Variants in AP5Z1 observed in about 807,000 individuals in gnomAD.
The protein encoded by AP5Z1 is adaptor related protein complex 5 subunit zeta 1.
In AP5Z1, 106 loss-of-function variants were observed where a neutral mutation model predicts 83.0. The observed-to-expected ratio is 1.28, with a 90% CI of 1.09 to 1.50. AP5Z1 has a LOEUF of 1.50. Ranked by LOEUF, AP5Z1 falls within the 40% of genes most tolerant of loss-of-function variation. The pLI is 0.00. For missense variants in AP5Z1, 1,565 were observed against 1,094.2 expected (o/e 1.43, Z -6.07); for synonymous variants, 751 against 514.1 (o/e 1.46, Z -6.23).
intron 1 of AP5Z1, among the ~76,000 whole-genome samples, chr7:4,777,596 C>G (rs1170036304): frequency 6.6e-6 from 1 of 152,074 alleles, no homozygotes; most frequent in Non-Finnish European, 1.5e-5. Context: ...ACCACATTGT[C>G]CAGGCTGGTC....
At chr7:4,788,092 C>G (rs141779655) in intron 11 of AP5Z1, 62 bp from the exon 12 acceptor site, 4 of 1,459,040 alleles carry the variant, frequency 2.7e-6, no homozygotes, top group Admixed American at 2.6e-5. Context: ...GTCTCCCTGA[C>G]GGGGGTGCCC....
chr7:4,776,121 T>C (rs2115093661), intron 1 of AP5Z1, among the ~76,000 whole-genome samples: 1 of 151,896 alleles, frequency 6.6e-6, no homozygotes, highest in East Asian at 1.9e-4. Context: ...AAAGTCACAG[T>C]GTCCGGAGGC....
intron 1 of AP5Z1, 44 bp from the exon 2 acceptor site, chr7:4,781,131 A>C: frequency 1.9e-6 from 3 of 1,590,870 alleles, no homozygotes; most frequent in Non-Finnish European, 1.7e-6. Flanking sequence ...TTTGGTTCCG[A>C]GCAGCGAGTG....
In AP5Z1 at chr7:4,789,900, G is replaced by T; in HGVS notation, c.1776G>T (p.Pro592=). ...LLLGRSDSLY[P]APGYAAGVHS... ...TGGGCAGGAGCGACTCGCTCTACCC[G>T]GCCCCAGGGTACGCTGCCGGTGTGC... The change falls in exon 14 of 17, where the codon CCG becomes CCT. Residue 592 remains proline (P), a synonymous_variant. Transcript: ENST00000649063. 1 of 1,550,194 alleles carries T rather than the reference G, an allele frequency of 6.5e-7. No homozygotes were observed.
At position 4,792,554 on chromosome 7, in the gene AP5Z1, G is replaced by T. The variant is rs1781818392; in HGVS notation, c.*1169G>T. ...GCTCCCCAGATGCCCGAGCCGAACC[G>T]CGGGGTCCTCACCGCCAGGTTCCAG... is the stretch of plus-strand genomic sequence containing the variant. On this transcript the variant is annotated 3_prime_UTR_variant, in exon 17 of 17. Coordinates refer to ENST00000649063, the MANE Select transcript of AP5Z1 (RefSeq NM_014855.3). 1 of 152,256 alleles carries T rather than the reference G, an allele frequency of 6.6e-6. No individual in the cohort carries two copies. The highest frequency in any genetic ancestry group is 1.5e-5 in the Non-Finnish European group (1 of 68,100). The allele number at this position is 152,256 out of a possible 1,614,324, so 9.4% of individuals were successfully genotyped here. A position where few individuals can be genotyped will look rare whatever the true frequency, so the allele number is the denominator to read the frequency against.
At chr7:4,790,184 T>A in intron 14 of AP5Z1, 1 of 1,537,688 alleles carries the variant, frequency 6.5e-7, no homozygotes, top group South Asian at 1.2e-5. Flanking sequence ...CTCTTCCCCG[T>A]CTTGTCCCCT....
chr7:4,785,228 ACCCCAGC>A (rs1006466252), intron 7 of AP5Z1, among the ~76,000 whole-genome samples, 180 bp downstream of exon 7: 14 of 151,590 alleles, frequency 9.2e-5, no homozygotes, highest in Non-Finnish European at 1.8e-4. Context: ...TTCAGGCTCC[ACCCCAGC>A]CCCCAGCCCG....
rs772452973 is a variant in AP5Z1, at chr7:4,789,825, C to T, written c.1708-7C>T. On this transcript the variant is annotated splice_region_variant and splice_polypyrimidine_tract_variant and intron_variant, in intron 13 of 16. Transcript: ENST00000649063. Reference sequence around the variant, plus strand: ...GGCTGAGCCTGTTTCCCACTCCTGACCCCCAGGTGGCTGACGGGTCCCTGA... The same window carrying T: ...GGCTGAGCCTGTTTCCCACTCCTGATCCCCAGGTGGCTGACGGGTCCCTGA... 15 of 1,550,652 alleles carry T rather than the reference C, an allele frequency of 9.7e-6. No individual in the cohort carries two copies. Among genetic ancestry groups the T allele is most frequent in the Non-Finnish European group, 1.3e-5 (15 of 1,146,864 alleles).
Position 4,790,556 on chromosome 7 carries a change from G to T in AP5Z1, c.1903G>T (p.Gly635Cys), listed in dbSNP as rs752512794. ...DLLEFLGSVNGLCSRASLVTS... is the reference protein window; with the variant it reads ...DLLEFLGSVNCLCSRASLVTS... Reference sequence around the variant, plus strand: ...GCTGGAGTTCCTGGGCAGCGTGAATGGTCTCTGCAGCAGGGCGAGCCTCGT... The same window carrying T: ...GCTGGAGTTCCTGGGCAGCGTGAATTGTCTCTGCAGCAGGGCGAGCCTCGT... Residue 635 changes from glycine to cysteine, a missense_variant, in exon 15 of 17, where the codon GGT (glycine) becomes TGT (cysteine). Physicochemically the swap from Gly to Cys is radical, Grantham distance 159 (BLOSUM62 -3). Transcript: ENST00000649063. 6.2e-7 allele frequency: 1 copy of T among 1,613,118 alleles called. No individual in the cohort carries two copies. The highest frequency in any genetic ancestry group is 8.5e-7 in the Non-Finnish European group (1 of 1,179,870).
chr7:4,777,648 C>T lies in AP5Z1; in HGVS notation c.41+1892C>T, dbSNP rs368630125. 3.8e-3 allele frequency among the ~76,000 whole-genome samples: 574 copies of T among 152,242 alleles called. 3 individuals are homozygous for T. The highest frequency in any genetic ancestry group is 0.013 in the African/African-American group (556 of 41,538). ...AGGTGATCCGCCTGACTCGGCCCCTCGAAGTGCCGGGATTACAGGTGTGAG... is the reference window on the plus strand; with the variant it reads ...AGGTGATCCGCCTGACTCGGCCCCTTGAAGTGCCGGGATTACAGGTGTGAG... On this transcript the variant is annotated intron_variant, in intron 1 of 16. Coordinates refer to ENST00000649063, the MANE Select transcript of AP5Z1 (RefSeq NM_014855.3).
chr7:4,786,374 C>G lies in AP5Z1; in HGVS notation c.1257C>G (p.His419Gln), dbSNP rs374726107. Residue 419 changes from histidine (H) to glutamine (Q), a missense_variant, in exon 10 of 17, where the codon CAC becomes CAG. Coordinates refer to ENST00000649063, the MANE Select transcript of AP5Z1 (RefSeq NM_014855.3). ...TCCAGTTCTGCAGGGACAACCTCCA[C>G]CTGTTCAGCGGGCACCTCAGCACCC... ...EFIQFCRDNLHLFSGHLSTLR... is the reference protein window; with the variant it reads ...EFIQFCRDNLQLFSGHLSTLR... 6.2e-7 allele frequency: 1 copy of G among 1,613,976 alleles called. No homozygotes were observed. Among genetic ancestry groups the G allele is most frequent in the East Asian group, 2.2e-5 (1 of 44,886 alleles).
Position 4,791,743 on chromosome 7 carries a change from T to C in AP5Z1, c.*358T>C. On this transcript the variant is annotated 3_prime_UTR_variant, in exon 17 of 17. Coordinates refer to ENST00000649063, the MANE Select transcript of AP5Z1 (RefSeq NM_014855.3). ...CAAGAAGAGCTGCAGTAAAAGTAAA[T>C]CTCCTTTAATAAGCGTCTGTATGAA... 1 of 323,144 alleles carries C rather than the reference T, an allele frequency of 3.1e-6. No homozygotes were observed. Among genetic ancestry groups the C allele is most frequent in the Non-Finnish European group, 5.7e-6 (1 of 174,220 alleles). The allele number at this position is 323,144 out of a possible 1,614,324, so 20.0% of individuals were successfully genotyped here.
At chr7:4,784,794 C>T (rs1312741807) in intron 6 of AP5Z1, 114 bp from the exon 7 acceptor site, 8 of 1,394,248 alleles carry the variant, frequency 5.7e-6, no homozygotes, top group Admixed American at 2.7e-5. Flanking sequence ...CGCCTCACGC[C>T]TCCCGGGAGG....
intron 10 of AP5Z1, 64 bp from the exon 11 acceptor site, chr7:4,787,570 T>G (rs1435035720): frequency 9.2e-6 from 14 of 1,515,228 alleles, no homozygotes; most frequent in Non-Finnish European, 1.2e-5. Flanking sequence ...CCTAGCTGGC[T>G]CCTCCCTCTG....
Position 4,785,057 on chromosome 7 carries a change from C to A in AP5Z1, c.931+9C>A, listed in dbSNP as rs1314733167. ...TGAGCAAAGTAACCGACGTGAGTCC[C>A]CCACCCAGGGCACTGGCCTCCCCAG... On this transcript the variant is annotated intron_variant, in intron 7 of 16. Transcript: ENST00000649063. The A allele has an allele frequency of 1.3e-6, 2 of 1,589,548 alleles. No homozygotes were observed. Among genetic ancestry groups the A allele is most frequent in the Non-Finnish European group, 1.7e-6 (2 of 1,164,566 alleles).
Position 4,793,611 on chromosome 7 carries a change from C to CATGGGCTCTGTGGG in AP5Z1, c.*2226_*2227insATGGGCTCTGTGGG, listed in dbSNP as rs57071738. ...CCGGGTGGGCGTGGGCTCTGTGGGC[C>CATGGGCTCTGTGGG]CCGCACTCGGAGCCGCCGGCTAGCC... On this transcript the variant is annotated 3_prime_UTR_variant, in exon 17 of 17. Transcript: ENST00000649063. The CATGGGCTCTGTGGG allele has an allele frequency of 6.6e-6, 1 of 152,468 alleles. No homozygotes were observed. Among genetic ancestry groups the CATGGGCTCTGTGGG allele is most frequent in the African/African-American group, 2.4e-5 (1 of 41,462 alleles). The allele number at this position is 152,468 out of a possible 1,614,324, so 9.4% of individuals were successfully genotyped here.
In AP5Z1 at chr7:4,786,402, A is replaced by AGAT; in HGVS notation, c.1286_1288dup (p.Arg429_Leu430insTer). On this transcript the variant is annotated stop_gained and inframe_insertion, in exon 10 of 17. Transcript: ENST00000649063. LOFTEE classifies it high-confidence loss of function. The stretch of plus-strand genomic sequence containing the variant: ...GTTCAGCGGGCACCTCAGCACCCTC[A>AGAT]GATTGAGCTTCCCCAACCTCTTTAA... The AGAT allele has an allele frequency of 6.2e-7, 1 of 1,613,850 alleles. No homozygotes were observed. The highest frequency in any genetic ancestry group is 8.5e-7 in the Non-Finnish European group (1 of 1,179,842).
intron 15 of AP5Z1, 29 bp downstream of exon 15, chr7:4,790,620 G>A (rs762565838): frequency 1.2e-5 from 19 of 1,612,134 alleles, no homozygotes; most frequent in Admixed American, 5.0e-5. Context: ...TCCCACAGCC[G>A]CTCCTGACCC....
In AP5Z1 at chr7:4,790,840, G is replaced by A. The variant is rs951005155; in HGVS notation, c.2106G>A (p.Met702Ile). The A allele has an allele frequency of 3.7e-6, 6 of 1,609,044 alleles. No homozygotes were observed. Among genetic ancestry groups the A allele is most frequent in the African/African-American group, 1.3e-5 (1 of 74,968 alleles). ...CCCCCCAGGTGGTCACCGTGCTGAT[G>A]ACCACGCTGACGAAGCTGGCCTCCC... Reference protein sequence around the residue: ...RCPPQVVTVLMTTLTKLASRS... With the variant: ...RCPPQVVTVLITTLTKLASRS... Residue 702 changes from methionine (M) to isoleucine (I), a missense_variant, in exon 16 of 17, where the codon ATG becomes ATA. Transcript: ENST00000649063.
Sources: allele counts gnomAD v4.1 joint callset (sites outside exome capture counted in the v4.1 genomes callset), GRCh38; gene constraint gnomAD v4.1.1; transcripts MANE v1.5; gene names NCBI Gene and HGNC (gene_info 2026-07-23, HGNC 2026-07-21).